The following DISP1 variants were observed in gnomAD, a reference collection of about 807,000 sequenced individuals.
The protein encoded by DISP1 is protein dispatched homolog 1.
DISP1 carries 30 observed loss-of-function variants against 37.3 expected under a neutral mutation model. The observed-to-expected ratio is 0.80, with a 90% CI of 0.60 to 1.09. DISP1 has a LOEUF of 1.09. DISP1 is among the 50% of genes least tolerant of loss of function. The pLI is 0.00. For synonymous variants in DISP1, 634 were observed against 690.2 expected, an observed-to-expected ratio of 0.92 and a Z score of 1.28; for missense variants, 1,598 against 1,879.5, an observed-to-expected ratio of 0.85 and a Z score of 2.77.
At chr1:222,906,167 A>T (rs140458047) in intron 1 of DISP1, among the ~76,000 whole-genome samples, 3 of 152,360 alleles carry the variant, frequency 2.0e-5, no homozygotes, top group Non-Finnish European at 2.9e-5. Context: ...TGTATTCAAC[A>T]TATAAATAGT....
chr1:222,890,138 T>G (rs1160934701), intron 1 of DISP1, among the ~76,000 whole-genome samples: 1 of 152,180 alleles, frequency 6.6e-6, no homozygotes, highest in Non-Finnish European at 1.5e-5. Context: ...GCTTTCTATA[T>G]GACCAGCTTT....
At chr1:222,825,947 A>G (rs1310289894) in intron 1 of DISP1, among the ~76,000 whole-genome samples, 1 of 152,048 alleles carries the variant, frequency 6.6e-6, no homozygotes. Context: ...TGTCACCCAG[A>G]CTGGAGTGCA....
At chr1:222,843,996 A>G (rs1278848022) in intron 1 of DISP1, among the ~76,000 whole-genome samples, 1 of 152,156 alleles carries the variant, frequency 6.6e-6, no homozygotes, top group Non-Finnish European at 1.5e-5. Context: ...TAGTCCTTAA[A>G]GTACTACCTT....
intron 7 of DISP1, among the ~76,000 whole-genome samples, chr1:222,992,713 T>C (rs1389848254): frequency 6.6e-6 from 1 of 151,980 alleles, no homozygotes; most frequent in Non-Finnish European, 1.5e-5. Context: ...GCTAGCTAGG[T>C]GTGACAGGAG....
chr1:222,977,294 A>G lies in DISP1; in HGVS notation c.510-5786A>G, dbSNP rs1677419669. On this transcript the variant is annotated intron_variant, in intron 3 of 8. Coordinates refer to ENST00000675850, the MANE Select transcript of DISP1 (RefSeq NM_001377229.1). Reference sequence around the variant, plus strand: ...GGTGATCTGCCAGCTCTGGCCTCCCAAAGTGCTGGGATTACAGGCATGAGC... The same window carrying G: ...GGTGATCTGCCAGCTCTGGCCTCCCGAAGTGCTGGGATTACAGGCATGAGC... 2.7e-5 allele frequency among the ~76,000 whole-genome samples: 4 copies of G among 149,710 alleles called. No homozygotes were observed. The South Asian group carries it at 8.4e-4, about 31-fold the overall frequency.
rs1678635506 is a variant in DISP1 at position 222,990,657 on chromosome 1, T to C, written c.572T>C (p.Val191Ala). Residue 191 changes from valine (V) to alanine (A), a missense_variant, in exon 5 of 9, where the codon GTG becomes GCG. Val to Ala is a moderately conservative substitution (Grantham distance 64). Transcript: ENST00000675850. Reference protein sequence around the residue: ...YAALIADWPVVVLGMCTMFIV... With the variant: ...YAALIADWPVAVLGMCTMFIV... ...GCCCTGATAGCCGACTGGCCGGTGG[T>C]GGTCTTGGGCATGTGCACCATGTTC... The C allele has an allele frequency of 1.2e-6, 2 of 1,614,126 alleles. No homozygotes were observed. Among genetic ancestry groups the C allele is most frequent in the Non-Finnish European group, 8.5e-7 (1 of 1,180,002 alleles).
chr1:222,988,631 C>A (rs1432665809), intron 4 of DISP1, among the ~76,000 whole-genome samples: 1 of 126,724 alleles, frequency 7.9e-6, no homozygotes, highest in Admixed American at 8.1e-5. Flanking sequence ...CTTTTTTCTT[C>A]CTTCCTTCCT....
chr1:222,946,023 T>C (rs1674743324), intron 3 of DISP1: 1 of 152,032 alleles, frequency 6.6e-6, no homozygotes. Flanking sequence ...AAAAAATTTG[T>C]AGAAGAAAGT....
At chr1:222,945,918 T>C (rs2125501108) in intron 3 of DISP1, 1 of 152,348 alleles carries the variant, frequency 6.6e-6, no homozygotes, top group East Asian at 1.9e-4. Context: ...GGCTGAACTA[T>C]ATAATGTTTA....
intron 3 of DISP1, among the ~76,000 whole-genome samples, chr1:222,958,407 T>TAGAC (rs1675789828): frequency 6.6e-6 from 1 of 152,226 alleles, no homozygotes; most frequent in Admixed American, 6.5e-5. Flanking sequence ...CCATACTCCA[T>TAGAC]AGACACTTGA....
chr1:223,005,169 C>G lies in DISP1; in HGVS notation c.3772C>G (p.Gln1258Glu). 6.2e-7 allele frequency: 1 copy of G among 1,614,194 alleles called. No individual in the cohort carries two copies. Among genetic ancestry groups the G allele is most frequent in the Non-Finnish European group, 8.5e-7 (1 of 1,180,026 alleles). Reference sequence around the variant, plus strand: ...TGCCTTGTTACAGCCCCCTCTTGAACAGCATACCGTGTGTCACTTCTTCTC... The same window carrying G: ...TGCCTTGTTACAGCCCCCTCTTGAAGAGCATACCGTGTGTCACTTCTTCTC... Reference protein sequence around the residue: ...GSALLQPPLEQHTVCHFFSLN... With the variant: ...GSALLQPPLEEHTVCHFFSLN... Residue 1258 changes from glutamine (Q) to glutamate (E), a missense_variant, in exon 9 of 9, where the codon CAG becomes GAG. Coordinates refer to ENST00000675850, the MANE Select transcript of DISP1 (RefSeq NM_001377229.1).
intron 1 of DISP1, among the ~76,000 whole-genome samples, chr1:222,887,587 T>G (rs1285921938): frequency 9.5e-6 from 1 of 105,656 alleles, no homozygotes; most frequent in Admixed American, 8.7e-5. Flanking sequence ...CAAGCTCCGC[T>G]TCCTGGGTTC....
At chr1:222,878,852 A>G (rs116454996) in intron 1 of DISP1, among the ~76,000 whole-genome samples, 1 of 152,190 alleles carries the variant, frequency 6.6e-6, no homozygotes, top group Non-Finnish European at 1.5e-5. Context: ...GAGCTTAAAA[A>G]GATCTTTAAG....
At chr1:222,819,207 T>C (rs909968864) in intron 1 of DISP1, among the ~76,000 whole-genome samples, 2 of 152,208 alleles carry the variant, frequency 1.3e-5, no homozygotes, top group African/African-American at 4.8e-5. Context: ...CCTCTTCGCC[T>C]TCTGCAATGA....
At chr1:222,817,926 C>T (rs190127468) in intron 1 of DISP1, among the ~76,000 whole-genome samples, 1 of 152,176 alleles carries the variant, frequency 6.6e-6, no homozygotes, top group African/African-American at 2.4e-5. Context: ...AATACTAAAT[C>T]ATAATTTGTT....
At chr1:222,986,435 C>T (rs1051253069) in intron 4 of DISP1, among the ~76,000 whole-genome samples, 6 of 152,150 alleles carry the variant, frequency 3.9e-5, no homozygotes, top group Admixed American at 2.0e-4. Flanking sequence ...TAAGATACTT[C>T]GTTTATTTGT....
chr1:222,861,211 G>C (rs542405804), intron 1 of DISP1, among the ~76,000 whole-genome samples: 1 of 152,262 alleles, frequency 6.6e-6, no homozygotes, highest in Admixed American at 6.5e-5. Context: ...TACTTAGCCT[G>C]TAAGTTCTCT....
chr1:222,868,585 G>A (rs1669335954), intron 1 of DISP1, among the ~76,000 whole-genome samples: 1 of 151,980 alleles, frequency 6.6e-6, no homozygotes, highest in African/African-American at 2.4e-5. Context: ...TGTTATTAGA[G>A]AGATCTAATA....
intron 7 of DISP1, 126 bp downstream of exon 7, chr1:222,992,236 T>C: frequency 1.2e-6 from 1 of 807,916 alleles, no homozygotes; most frequent in Non-Finnish European, 2.1e-6. Flanking sequence ...CTGTTGAACC[T>C]AAAGAAATTT....
Sources: allele counts gnomAD v4.1 joint callset (sites outside exome capture counted in the v4.1 genomes callset), GRCh38; gene constraint gnomAD v4.1.1; transcripts MANE v1.5; gene names NCBI Gene and HGNC (gene_info 2026-07-23, HGNC 2026-07-21).